Variants in PKD2 observed in about 807,000 individuals in gnomAD.
The protein encoded by PKD2 is polycystin 2, transient receptor potential cation channel.
Under a neutral mutation model 105.9 loss-of-function variants are expected in PKD2, and 48 were observed. That is an observed-to-expected ratio of 0.45 (90% CI 0.36 to 0.58). PKD2 has a LOEUF of 0.58. Ranked by LOEUF, PKD2 falls within the 20% of genes least tolerant of loss-of-function variation. The probability of loss-of-function intolerance (pLI) is 0.00; values close to 1 mark genes in which losing one functional copy is unlikely to be tolerated. For missense variants in PKD2, 1,078 were observed against 1,255.3 expected (o/e 0.86, Z 2.13); for synonymous variants, 464 against 481.1 (o/e 0.96, Z 0.46).
chr4:88,060,676 TG>T (rs896247477), intron 9 of PKD2, among the ~76,000 whole-genome samples: 57 of 151,526 alleles, frequency 3.8e-4, no homozygotes, highest in African/African-American at 1.3e-3. Flanking sequence ...AAAAAGTTGG[TG>T]GGGGGGAACC....
chr4:88,047,394 A>G (rs79881589), intron 6 of PKD2, among the ~76,000 whole-genome samples: 6 of 140,260 alleles, frequency 4.3e-5, no homozygotes, highest in African/African-American at 1.4e-4. Context: ...CTGTCTTTAC[A>G]AAAAAAAAAA....
chr4:88,075,053 G>A (rs1343564056), intron 14 of PKD2, 94 bp downstream of exon 14: 5 of 1,383,104 alleles, frequency 3.6e-6, no homozygotes, highest in African/African-American at 1.4e-5. Context: ...TATTGAAGAA[G>A]AGTAAAAAAA....
chr4:88,012,353 T>A (rs1334603698), intron 1 of PKD2, among the ~76,000 whole-genome samples: 1 of 152,172 alleles, frequency 6.6e-6, no homozygotes, highest in Non-Finnish European at 1.5e-5. Flanking sequence ...CACTTTGTGT[T>A]CAAAGTGTTT....
chr4:88,007,983 C>G lies in PKD2; in HGVS notation c.250C>G (p.Arg84Gly). The change falls in exon 1 of 15, where the codon CGG (arginine) becomes GGG (glycine). Residue 84 changes from arginine (R) to glycine (G), a missense_variant. Arg to Gly is a moderately radical substitution (Grantham distance 125). This residue lies in a region of PKD2 where 210 missense variants were observed against 187.9 expected (regional missense o/e 1.12). Coordinates refer to ENST00000237596, the MANE Select transcript of PKD2 (RefSeq NM_000297.4). ...TTCTCCTCCGCTCTCGTCGTGCTCC[C>G]GGCAGGCGTGGAGCCGCGATAACCC... The part of the protein sequence containing the change: ...SPSPPLSSCS[R>G]QAWSRDNPGF... The G allele has an allele frequency of 1.3e-6, 2 of 1,511,492 alleles. No individual in the cohort carries two copies. The highest frequency in any genetic ancestry group is 5.2e-5 in the East Asian group (2 of 38,700). 93.6% of individuals were successfully genotyped at this position (1,511,492 alleles called of 1,614,324 possible). A position where few individuals can be genotyped will look rare whatever the true frequency, so the allele number is the denominator to read the frequency against.
At position 88,075,450 on chromosome 4, in the gene PKD2, C is replaced by T; in HGVS notation, c.2671-8C>T. 1.2e-6 allele frequency: 2 copies of T among 1,609,466 alleles called. No homozygotes were observed. The highest frequency in any genetic ancestry group is 8.5e-7 in the Non-Finnish European group (1 of 1,175,844). On this transcript the variant is annotated splice_polypyrimidine_tract_variant and splice_region_variant and intron_variant, in intron 14 of 14. Transcript: ENST00000237596. ...GCCCCCAACACCAGTTTCTTTTTCC[C>T]TTTTTAGGATGAAAGGCTGGGTCGT...
chr4:88,033,823 A>C (rs1462833549), intron 2 of PKD2, among the ~76,000 whole-genome samples: 1 of 152,220 alleles, frequency 6.6e-6, no homozygotes, highest in African/African-American at 2.4e-5. Flanking sequence ...TAATCAACTT[A>C]ATCATTTGGT....
chr4:88,039,183 G>A (rs186157576), intron 4 of PKD2, among the ~76,000 whole-genome samples: 4 of 152,222 alleles, frequency 2.6e-5, no homozygotes, highest in East Asian at 3.9e-4. Flanking sequence ...GTCACTGGTC[G>A]GAGTCATCTT....
At chr4:88,059,207 T>C (rs1720469754) in intron 9 of PKD2, among the ~76,000 whole-genome samples, 1 of 152,194 alleles carries the variant, frequency 6.6e-6, no homozygotes, top group Non-Finnish European at 1.5e-5. Flanking sequence ...AGCTGTACTT[T>C]AACAGGACTG....
intron 7 of PKD2, among the ~76,000 whole-genome samples, chr4:88,055,711 T>C (rs1299155682): frequency 6.6e-6 from 1 of 151,618 alleles, no homozygotes; most frequent in Non-Finnish European, 1.5e-5. Context: ...TACAATTCAG[T>C]GGCATTAAGT....
At chr4:88,020,981 A>T (rs1726728231) in intron 2 of PKD2, among the ~76,000 whole-genome samples, 2 of 152,198 alleles carry the variant, frequency 1.3e-5, no homozygotes, top group Non-Finnish European at 2.9e-5. Flanking sequence ...CACTGCACCC[A>T]GCCTGGATGT....
chr4:88,065,470 G>T lies in PKD2; in HGVS notation c.2215G>T (p.Asp739Tyr). Residue 739 changes from aspartate (D) to tyrosine (Y), a missense_variant, in exon 11 of 15, where the codon GAC becomes TAC. This residue lies in a region of PKD2 where 868 missense variants were observed against 1,067.3 expected (regional missense o/e 0.81). Transcript: ENST00000237596. ...LRQGGGKLNFDELRQDLKGKG... is the reference protein window; with the variant it reads ...LRQGGGKLNFYELRQDLKGKG... The stretch of plus-strand genomic sequence containing the variant: ...GCAAGGAGGAGGCAAGTTAAACTTT[G>T]ACGAACTTCGACAAGATCTCAAAGG... The T allele has an allele frequency of 6.2e-7, 1 of 1,613,720 alleles. No individual in the cohort carries two copies. Among genetic ancestry groups the T allele is most frequent in the Non-Finnish European group, 8.5e-7 (1 of 1,179,700 alleles).
intron 3 of PKD2, among the ~76,000 whole-genome samples, chr4:88,037,831 A>G (rs748080148): frequency 6.6e-6 from 1 of 152,194 alleles, no homozygotes; most frequent in Non-Finnish European, 1.5e-5. Context: ...AGGTCTATCA[A>G]ATGCCAGGCT....
chr4:88,055,746 C>T lies in PKD2; in HGVS notation c.1717-340C>T, dbSNP rs551738522. 4.6e-5 allele frequency among the ~76,000 whole-genome samples: 7 copies of T among 151,792 alleles called. 1 individual carries two copies. In the South Asian group the frequency reaches 6.2e-4, roughly 14 times the overall value. On this transcript the variant is annotated intron_variant, in intron 7 of 14. Transcript: ENST00000237596. ...TACATTCACAGTGTTGTGCAGCCAT[C>T]GCCATTATGCTGCATTATTTTCAGA... is the stretch of plus-strand genomic sequence containing the variant.
intron 2 of PKD2, among the ~76,000 whole-genome samples, chr4:88,025,796 G>A (rs1352303101): frequency 1.3e-5 from 2 of 152,114 alleles, no homozygotes; most frequent in Non-Finnish European, 2.9e-5. Context: ...CTGTTCTCAT[G>A]ATAGTGAGTG....
At position 88,075,560 on chromosome 4, in the gene PKD2, A is replaced by T. The variant is rs888130252; in HGVS notation, c.2773A>T (p.Ile925Phe). ...RWESDDAASQ[I>F]SHGLGTPVGL... Reference sequence around the variant, plus strand: ...GGAATCCGATGATGCAGCTTCCCAGATCAGTCATGGTTTAGGCACGCCAGT... The same window carrying T: ...GGAATCCGATGATGCAGCTTCCCAGTTCAGTCATGGTTTAGGCACGCCAGT... Residue 925 changes from isoleucine (I) to phenylalanine (F), a missense_variant, in exon 15 of 15, where the codon ATC becomes TTC. This residue lies in a region of PKD2 where 868 missense variants were observed against 1,067.3 expected (regional missense o/e 0.81). Transcript: ENST00000237596. 1.5e-5 allele frequency: 25 copies of T among 1,614,004 alleles called. No homozygotes were observed. Among genetic ancestry groups the T allele is most frequent in the Non-Finnish European group, 2.0e-5 (24 of 1,179,980 alleles).
At position 88,074,840 on chromosome 4, in the gene PKD2, C is replaced by T. The variant is rs772023227; in HGVS notation, c.2551C>T (p.His851Tyr). 3.1e-6 allele frequency: 5 copies of T among 1,613,970 alleles called. No individual in the cohort carries two copies. The highest frequency in any genetic ancestry group is 4.2e-6 in the Non-Finnish European group (5 of 1,179,840). ...VLVRRVDRME[H>Y]SIGSIVSKID... The stretch of plus-strand genomic sequence containing the variant: ...GGTGAGACGAGTGGACCGGATGGAG[C>T]ATTCCATCGGCAGCATAGTGTCCAA... Residue 851 changes from histidine (H) to tyrosine (Y), a missense_variant, in exon 14 of 15, where the codon CAT (histidine) becomes TAT (tyrosine). Coordinates refer to ENST00000237596, the MANE Select transcript of PKD2 (RefSeq NM_000297.4).
At chr4:88,037,657 T>C (rs1255387556) in intron 3 of PKD2, among the ~76,000 whole-genome samples, 1 of 152,204 alleles carries the variant, frequency 6.6e-6, no homozygotes, top group Non-Finnish European at 1.5e-5. Flanking sequence ...CTGACAAGGA[T>C]AGCACACTGA....
At chr4:88,040,962 G>A (rs1339119708) in intron 4 of PKD2, among the ~76,000 whole-genome samples, 2 of 152,054 alleles carry the variant, frequency 1.3e-5, no homozygotes, top group Non-Finnish European at 2.9e-5. Context: ...CCCTCTTCTA[G>A]TAGTGCCCTT....
intron 1 of PKD2, among the ~76,000 whole-genome samples, chr4:88,012,311 A>G (rs1022628662): frequency 3.3e-5 from 5 of 152,340 alleles, no homozygotes; most frequent in South Asian, 2.1e-4. Flanking sequence ...GGCCGCAACT[A>G]TTAGATGTTG....
Sources: gnomAD v4.1 joint callset for allele counts (sites outside exome capture counted in the v4.1 genomes callset) on GRCh38, gnomAD v4.1.1 for gene constraint, gnomAD v4.1.1 regional missense constraint, MANE v1.5 for transcripts, NCBI Gene and HGNC (gene_info 2026-07-23, HGNC 2026-07-21) for gene names.